CLIP2: variants seen among roughly 807,000 people sequenced by gnomAD.
The protein encoded by CLIP2 is CAP-Gly domain containing linker protein 2, also known as CAP-Gly domain-containing linker protein 2.
Under a neutral mutation model 111.7 loss-of-function variants are expected in CLIP2, and 41 were observed. The ratio of observed to expected loss-of-function variants is 0.37; its 90% CI spans 0.29 to 0.48. CLIP2 has a LOEUF of 0.48. Among genes scored for constraint, CLIP2 ranks in the 20% least tolerant of loss-of-function variants. CLIP2 has a pLI of 0.99. For synonymous variants in CLIP2, 660 were observed against 644.2 expected, an observed-to-expected ratio of 1.02 and a Z score of -0.37; for missense variants, 1,160 against 1,422.1, an observed-to-expected ratio of 0.82 and a Z score of 2.96.
chr7:74,364,360 C>T (rs782026763), intron 8 of CLIP2, 45 bp downstream of exon 8: 5 of 1,557,824 alleles, frequency 3.2e-6, no homozygotes, highest in Admixed American at 1.7e-5. Context: ...AGCACCGGTG[C>T]CTGGCCCTTG....
chr7:74,308,736 C>G (rs1788561912), intron 1 of CLIP2, among the ~76,000 whole-genome samples: 1 of 152,120 alleles, frequency 6.6e-6, no homozygotes. Context: ...AACTCCTGAC[C>G]TTCAGTGATC....
chr7:74,319,054 G>A (rs1554729598), intron 2 of CLIP2, among the ~76,000 whole-genome samples: 2 of 152,182 alleles, frequency 1.3e-5, no homozygotes, highest in Non-Finnish European at 2.9e-5. Context: ...GCCCAGTGCA[G>A]CCTTGTGAAG....
chr7:74,351,408 G>T (rs1349267376), intron 3 of CLIP2, among the ~76,000 whole-genome samples: 3 of 126,172 alleles, frequency 2.4e-5, no homozygotes, highest in African/African-American at 9.8e-5. Flanking sequence ...CCGAGATCAC[G>T]CCACTGCATT....
intron 10 of CLIP2, 196 bp from the exon 11 acceptor site, chr7:74,380,610 G>T: frequency 2.0e-6 from 1 of 490,456 alleles, no homozygotes; most frequent in Non-Finnish European, 3.6e-6. Flanking sequence ...GTGCAGAATG[G>T]GGGTCCTCTG....
At chr7:74,333,606 C>T (rs1789363115) in intron 2 of CLIP2, among the ~76,000 whole-genome samples, 1 of 152,164 alleles carries the variant, frequency 6.6e-6, no homozygotes, top group Non-Finnish European at 1.5e-5. Context: ...CTCAGCCTCC[C>T]GAGTAGCTGG....
intron 2 of CLIP2, among the ~76,000 whole-genome samples, chr7:74,337,258 G>C (rs1789500195): frequency 6.6e-6 from 1 of 152,134 alleles, no homozygotes; most frequent in Non-Finnish European, 1.5e-5. Context: ...AGGGGAGAAA[G>C]GGGGAGGCCC....
intron 2 of CLIP2, among the ~76,000 whole-genome samples, chr7:74,323,912 C>T (rs1789039713): frequency 6.6e-6 from 1 of 152,236 alleles, no homozygotes; most frequent in Admixed American, 6.5e-5. Flanking sequence ...TGATGCATTT[C>T]TCAGATGGTA....
Position 74,376,006 on chromosome 7 carries a change from C to T in CLIP2, c.1605C>T (p.Asp535=), listed in dbSNP as rs1554312723. The change falls in exon 10 of 17, where the codon GAC becomes GAT. Residue 535 remains aspartate, a synonymous_variant. Transcript: ENST00000223398. The surrounding 1 kb of genome is among the most constrained non-coding windows in gnomAD (Gnocchi z 7.1). ...TGCACTCGGGTCCCCCACCTCCGGA[C>T]CACCCAGACGCCGCCGAGATCCTGC... ...CLLHSGPPPP[D]HPDAAEILRL... The T allele has an allele frequency of 6.2e-7, 1 of 1,612,478 alleles. No homozygotes were observed. The highest frequency in any genetic ancestry group is 1.3e-5 in the African/African-American group (1 of 75,040).
At chr7:74,386,097 G>A (rs1295598409) in intron 11 of CLIP2, among the ~76,000 whole-genome samples, 2 of 148,318 alleles carry the variant, frequency 1.3e-5, no homozygotes, top group Non-Finnish European at 3.0e-5. Context: ...GCCCAGGCTG[G>A]AGTGCAATGG....
At chr7:74,354,109 G>T (rs1790085914) in intron 4 of CLIP2, 105 bp downstream of exon 4, 1 of 1,353,930 alleles carries the variant, frequency 7.4e-7, no homozygotes, top group East Asian at 2.3e-5. Flanking sequence ...CCAGCATGTA[G>T]TGTCAGACAC....
chr7:74,327,767 A>G (rs550772590), intron 2 of CLIP2, among the ~76,000 whole-genome samples: 1 of 152,250 alleles, frequency 6.6e-6, no homozygotes, highest in East Asian at 1.9e-4. Flanking sequence ...GACGTGGTCC[A>G]GGATCGATCT....
intron 8 of CLIP2, among the ~76,000 whole-genome samples, chr7:74,366,903 C>A (rs1790482579): frequency 6.7e-6 from 1 of 149,306 alleles, no homozygotes; most frequent in African/African-American, 2.4e-5. Flanking sequence ...AAAAAAAGGC[C>A]TGAAATCAAG....
intron 2 of CLIP2, among the ~76,000 whole-genome samples, chr7:74,319,964 G>A (rs1359864634): frequency 1.3e-5 from 2 of 151,044 alleles, no homozygotes; most frequent in African/African-American, 4.9e-5. Context: ...ACTCAAGTTT[G>A]TAATCCCAGC....
chr7:74,338,048 C>T lies in CLIP2; in HGVS notation c.122-400C>T, dbSNP rs1432913985. 6.6e-6 allele frequency among the ~76,000 whole-genome samples: 1 copy of T among 152,052 alleles called. No homozygotes were observed. Among genetic ancestry groups the T allele is most frequent in the East Asian group, 1.9e-4 (1 of 5,184 alleles). ...AAGACCATGTCTCTACAAAAAAATACAAAAATTAGCCCAGTGTAGTGGCAG... is the reference window on the plus strand; with the variant it reads ...AAGACCATGTCTCTACAAAAAAATATAAAAATTAGCCCAGTGTAGTGGCAG... On this transcript the variant is annotated intron_variant, in intron 2 of 16. Coordinates refer to ENST00000223398, the MANE Select transcript of CLIP2 (RefSeq NM_003388.5). The surrounding 1 kb of genome is among the most constrained non-coding windows in gnomAD (Gnocchi z 4.3).
At chr7:74,381,113 T>G (rs979926353) in intron 11 of CLIP2, 12 of 319,736 alleles carry the variant, frequency 3.8e-5, no homozygotes, top group Non-Finnish European at 6.8e-5. Context: ...AATAGTAAAC[T>G]TAATGGAATA....
At chr7:74,373,090 C>G (rs531846694) in intron 9 of CLIP2, 54 bp downstream of exon 9, 12 of 1,054,218 alleles carry the variant, frequency 1.1e-5, no homozygotes, top group Non-Finnish European at 1.7e-5. Context: ...CCTTTGATGC[C>G]CCCTCTGGCT....
intron 4 of CLIP2, 57 bp downstream of exon 4, chr7:74,354,061 G>T (rs572923002): frequency 2.6e-6 from 4 of 1,552,170 alleles, no homozygotes; most frequent in South Asian, 1.2e-5. Flanking sequence ...CAGGGTGGGC[G>T]CAGGGGATGG....
intron 7 of CLIP2, among the ~76,000 whole-genome samples, chr7:74,362,081 CAG>C (rs1256277975): frequency 1.4e-4 from 21 of 148,940 alleles, no homozygotes; most frequent in Admixed American, 4.7e-4. Context: ...AGCTGGGTAA[CAG>C]AGCGAGGCTC....
At chr7:74,346,627 T>G (rs1789802906) in intron 3 of CLIP2, among the ~76,000 whole-genome samples, 1 of 147,954 alleles carries the variant, frequency 6.8e-6, no homozygotes. Flanking sequence ...GGTGGCTGAG[T>G]CAGGACAGTC....
Sources: gnomAD v4.1 joint callset for allele counts (sites outside exome capture counted in the v4.1 genomes callset) on GRCh38, gnomAD v4.1.1 for gene constraint, Gnocchi (gnomAD v3.1) non-coding constraint, MANE v1.5 for transcripts, NCBI Gene and HGNC (gene_info 2026-07-23, HGNC 2026-07-21) for gene names.